The following TEC variants were observed in gnomAD, a reference collection of about 807,000 sequenced individuals.
TEC encodes tec protein tyrosine kinase, also known as tyrosine-protein kinase Tec.
A neutral mutation model predicts 93.0 loss-of-function variants in TEC; 72 were observed. The observed-to-expected ratio is 0.77, with a 90% CI of 0.64 to 0.94. The LOEUF (loss-of-function observed/expected upper bound fraction) is 0.94. Ranked by LOEUF, TEC falls within the 40% of genes least tolerant of loss-of-function variation. The pLI is 0.00. For missense variants in TEC, 630 were observed against 757.9 expected (o/e 0.83, Z 1.98); for synonymous variants, 249 against 247.7 (o/e 1.01, Z -0.05).
At chr4:48,161,932 A>C (rs1720683035) in intron 8 of TEC, among the ~76,000 whole-genome samples, 1 of 152,180 alleles carries the variant, frequency 6.6e-6, no homozygotes, top group African/African-American at 2.4e-5. Context: ...CAAGTTCTTC[A>C]GCTTTGGGAC....
chr4:48,227,642 A>C (rs1228326439), intron 2 of TEC, among the ~76,000 whole-genome samples: 1 of 61,228 alleles, frequency 1.6e-5, no homozygotes, highest in Non-Finnish European at 3.3e-5. Flanking sequence ...ACACTGTCTC[A>C]AAAAAAAAAA....
intron 6 of TEC, among the ~76,000 whole-genome samples, 179 bp downstream of exon 6, chr4:48,168,407 T>G (rs541469152): frequency 2.6e-5 from 4 of 152,350 alleles, no homozygotes; most frequent in Middle Eastern, 3.4e-3. Context: ...TGGTATTATT[T>G]GACACCACAA....
intron 14 of TEC, among the ~76,000 whole-genome samples, chr4:48,142,553 T>C (rs1719723446): frequency 6.6e-6 from 1 of 152,250 alleles, no homozygotes. Context: ...ACAAAATTGG[T>C]CAAATACAAT....
chr4:48,166,844 T>C (rs1344907843), intron 7 of TEC, among the ~76,000 whole-genome samples: 1 of 151,436 alleles, frequency 6.6e-6, no homozygotes, highest in Non-Finnish European at 1.5e-5. Flanking sequence ...ATATGCACCA[T>C]GCCTAGGAAT....
chr4:48,260,326 G>A (rs1490791909), intron 1 of TEC, among the ~76,000 whole-genome samples: 2 of 152,324 alleles, frequency 1.3e-5, no homozygotes, highest in South Asian at 4.1e-4. Flanking sequence ...GCTCACACCT[G>A]TAATCCTAGA....
intron 1 of TEC, among the ~76,000 whole-genome samples, chr4:48,239,534 G>A (rs1723871236): frequency 1.3e-5 from 2 of 152,136 alleles, no homozygotes; most frequent in African/African-American, 2.4e-5. Flanking sequence ...GTGATTTTCA[G>A]GGCCTTTTAC....
intron 1 of TEC, among the ~76,000 whole-genome samples, chr4:48,260,240 C>G (rs1343027818): frequency 6.6e-6 from 1 of 152,162 alleles, no homozygotes; most frequent in Non-Finnish European, 1.5e-5. Flanking sequence ...AAAATGGAAA[C>G]TTCACATTGC....
intron 1 of TEC, among the ~76,000 whole-genome samples, chr4:48,240,677 A>T (rs532906240): frequency 6.6e-6 from 1 of 152,152 alleles, no homozygotes; most frequent in Non-Finnish European, 1.5e-5. Context: ...TTTCAAGTCT[A>T]CATCATGATA....
chr4:48,176,839 G>A (rs982891438), intron 2 of TEC, among the ~76,000 whole-genome samples: 7 of 152,052 alleles, frequency 4.6e-5, no homozygotes, highest in East Asian at 1.9e-4. Context: ...AAAAGAAAGC[G>A]TCAAAGACCA....
At chr4:48,256,112 G>GTAGTT (rs1724333850) in intron 1 of TEC, among the ~76,000 whole-genome samples, 1 of 152,150 alleles carries the variant, frequency 6.6e-6, no homozygotes, top group South Asian at 2.1e-4. Flanking sequence ...AATGACTATG[G>GTAGTT]CTCTGTGACA....
chr4:48,156,929 AT>A (rs1720427081), intron 8 of TEC, among the ~76,000 whole-genome samples, 195 bp from the exon 9 acceptor site: 1 of 152,230 alleles, frequency 6.6e-6, no homozygotes, highest in South Asian at 2.1e-4. Context: ...CCATATTTCT[AT>A]GAAAACATGT....
chr4:48,262,273 T>C (rs1048361380), intron 1 of TEC, among the ~76,000 whole-genome samples: 1 of 138,562 alleles, frequency 7.2e-6, no homozygotes, highest in African/African-American at 2.6e-5. Context: ...CTCAGCTAAC[T>C]GCAACCTCTG....
At chr4:48,169,680 A>C (rs1322830576) in intron 5 of TEC, among the ~76,000 whole-genome samples, 3 of 152,210 alleles carry the variant, frequency 2.0e-5, no homozygotes, top group African/African-American at 7.2e-5. Context: ...AGCACTAGTA[A>C]CTTAACAATC....
At chr4:48,228,431 G>A (rs1375575050) in intron 2 of TEC, 46 bp downstream of exon 2, 9 of 1,500,252 alleles carry the variant, frequency 6.0e-6, no homozygotes, top group East Asian at 4.9e-5. Context: ...TTATAAAATC[G>A]TTATCTACAT....
chr4:48,164,711 T>G (rs1040366903), intron 7 of TEC, among the ~76,000 whole-genome samples: 19 of 152,028 alleles, frequency 1.2e-4, no homozygotes, highest in Admixed American at 7.2e-4. Flanking sequence ...TAGAAAAATG[T>G]CAAATTGTGT....
intron 9 of TEC, among the ~76,000 whole-genome samples, chr4:48,152,151 C>A (rs999198993): frequency 3.3e-5 from 5 of 152,146 alleles, no homozygotes; most frequent in Admixed American, 3.3e-4. Flanking sequence ...AGAGGCCGGA[C>A]ACAGCGGCTC....
At chr4:48,243,163 A>T (rs1723965785) in intron 1 of TEC, among the ~76,000 whole-genome samples, 1 of 151,184 alleles carries the variant, frequency 6.6e-6, no homozygotes, top group Admixed American at 6.7e-5. Context: ...GGTTCTTTAA[A>T]CATCATCCCG....
chr4:48,176,711 A>G (rs547282008), intron 2 of TEC, among the ~76,000 whole-genome samples: 1 of 152,322 alleles, frequency 6.6e-6, no homozygotes, highest in South Asian at 2.1e-4. Flanking sequence ...TGACACAGTA[A>G]GACTCTATTT....
intron 2 of TEC, among the ~76,000 whole-genome samples, chr4:48,199,455 CTTTTTT>C (rs34965891): frequency 3.1e-4 from 21 of 67,354 alleles, no homozygotes; most frequent in South Asian, 6.6e-4. Flanking sequence ...GATTTTCTTT[CTTTTTT>C]TTTTTTTTTT....
Sources: gnomAD v4.1 joint callset for allele counts (sites outside exome capture counted in the v4.1 genomes callset) on GRCh38, gnomAD v4.1.1 for gene constraint, MANE v1.5 for transcripts, NCBI Gene and HGNC (gene_info 2026-07-23, HGNC 2026-07-21) for gene names.